Variants in RC3H1 observed in about 807,000 individuals in gnomAD.
RC3H1 encodes roquin-1.
RC3H1 carries 50 observed loss-of-function variants against 138.2 expected under a neutral mutation model. The ratio of observed to expected loss-of-function variants is 0.36; its 90% CI spans 0.29 to 0.46. The LOEUF is 0.46. Ranked by LOEUF, RC3H1 falls within the 20% of genes least tolerant of loss-of-function variation. The pLI is 1.00. For missense variants in RC3H1, 1,031 were observed against 1,388.1 expected, an observed-to-expected ratio of 0.74 and a Z score of 4.09; for synonymous variants, 462 against 489.1, an observed-to-expected ratio of 0.94 and a Z score of 0.73.
intron 1 of RC3H1, among the ~76,000 whole-genome samples, chr1:174,008,598 C>G (rs1266985969): frequency 2.0e-5 from 3 of 152,128 alleles, no homozygotes; most frequent in Non-Finnish European, 4.4e-5. Context: ...AACACAGAAT[C>G]CTATAGCCAC....
rs914389851 is a variant in RC3H1, at chr1:173,938,370, T to C, written c.*351A>G. ...AAGAAAACCTACTTCATTAAGATCA[T>C]ACAATTAATCAAACAGAGTGTATAT... On this transcript the variant is annotated 3_prime_UTR_variant, in exon 20 of 20. Transcript: ENST00000367696. The C allele has an allele frequency of 6.3e-6, 1 of 158,212 alleles. No homozygotes were observed. The highest frequency in any genetic ancestry group is 6.5e-5 in the Admixed American group (1 of 15,494). The allele number at this position is 158,212 out of a possible 1,614,324, so 9.8% of individuals were successfully genotyped here.
intron 18 of RC3H1, 29 bp downstream of exon 18, chr1:173,943,413 T>A (rs1321283858): frequency 6.3e-7 from 1 of 1,579,552 alleles, no homozygotes; most frequent in Non-Finnish European, 8.6e-7. Context: ...CATTTCACCT[T>A]CCCTCTCTTT....
intron 13 of RC3H1, among the ~76,000 whole-genome samples, chr1:173,959,181 T>C (rs1049364026): frequency 6.6e-6 from 1 of 152,104 alleles, no homozygotes; most frequent in Non-Finnish European, 1.5e-5. Flanking sequence ...TCAGAGGACA[T>C]AATTGTGTGC....
Position 173,962,069 on chromosome 1 carries a change from A to T in RC3H1, c.1858T>A (p.Cys620Ser), listed in dbSNP as rs774893964. Reference protein sequence around the residue: ...QGMYYTPPPQCVSRFVRPPPS... With the variant: ...QGMYYTPPPQSVSRFVRPPPS... Reference sequence around the variant, plus strand: ...GGAGGTCGGACAAAGCGGGACACACATTGTGGTGGTGGAGTATAATACATA... The same window carrying T: ...GGAGGTCGGACAAAGCGGGACACACTTTGTGGTGGTGGAGTATAATACATA... Residue 620 changes from cysteine to serine, a missense_variant, in exon 12 of 20, where the codon TGT becomes AGT. Physicochemically the swap from Cys to Ser is moderately radical, Grantham distance 112 (BLOSUM62 -1). This residue lies in a region of RC3H1 where 716 missense variants were observed against 837.9 expected (regional missense o/e 0.85). Coordinates refer to ENST00000367696, the MANE Select transcript of RC3H1 (RefSeq NM_172071.4). 1 of 1,613,602 alleles carries T rather than the reference A, an allele frequency of 6.2e-7. No homozygotes were observed. Among genetic ancestry groups the T allele is most frequent in the Non-Finnish European group, 8.5e-7 (1 of 1,179,768 alleles).
intron 19 of RC3H1, among the ~76,000 whole-genome samples, chr1:173,940,002 A>T (rs932074764): frequency 6.6e-6 from 1 of 152,202 alleles, no homozygotes; most frequent in African/African-American, 2.4e-5. Context: ...AGATATGCAA[A>T]CAAAGCATTA....
chr1:174,002,615 G>T (rs906573609), intron 1 of RC3H1, among the ~76,000 whole-genome samples: 1 of 152,186 alleles, frequency 6.6e-6, no homozygotes, highest in African/African-American at 2.4e-5. Flanking sequence ...CACCACTATT[G>T]TGGAATAATT....
At chr1:173,981,281 G>C (rs1487797798) in intron 5 of RC3H1, among the ~76,000 whole-genome samples, 1 of 152,052 alleles carries the variant, frequency 6.6e-6, no homozygotes, top group Non-Finnish European at 1.5e-5. Flanking sequence ...AAAATGCTTG[G>C]GCCAGAAGTG....
chr1:173,952,497 A>G (rs1331631662), intron 13 of RC3H1, among the ~76,000 whole-genome samples: 3 of 151,696 alleles, frequency 2.0e-5, no homozygotes, highest in Non-Finnish European at 4.4e-5. Flanking sequence ...TTAGATCAGT[A>G]AACATTTAAG....
At chr1:173,992,351 T>C (rs1661326279) in intron 2 of RC3H1, among the ~76,000 whole-genome samples, 1 of 152,084 alleles carries the variant, frequency 6.6e-6, no homozygotes, top group African/African-American at 2.4e-5. Context: ...TTCACCATGT[T>C]GGCCAGGCCG....
chr1:173,986,972 C>T (rs1021976678), intron 2 of RC3H1, among the ~76,000 whole-genome samples: 1 of 152,094 alleles, frequency 6.6e-6, no homozygotes, highest in Non-Finnish European at 1.5e-5. Context: ...TGTAGAATGC[C>T]CCTAAACTGG....
At chr1:173,983,215 TAAGAG>T (rs1168648504) in intron 4 of RC3H1, among the ~76,000 whole-genome samples, 198 bp downstream of exon 4, 1 of 152,030 alleles carries the variant, frequency 6.6e-6, no homozygotes, top group Non-Finnish European at 1.5e-5. Flanking sequence ...CTTTTGGCAT[TAAGAG>T]AAAAGTTTTA....
chr1:173,949,565 C>T (rs1259438188), intron 14 of RC3H1, among the ~76,000 whole-genome samples: 8 of 151,788 alleles, frequency 5.3e-5, no homozygotes, highest in African/African-American at 1.5e-4. Context: ...GATGAGGTTT[C>T]GCCATGTTGC....
intron 1 of RC3H1, among the ~76,000 whole-genome samples, chr1:174,011,891 TA>T (rs1661775855): frequency 6.6e-6 from 1 of 152,122 alleles, no homozygotes; most frequent in African/African-American, 2.4e-5. Flanking sequence ...CAATTCGTAT[TA>T]GCATTGAAAA....
chr1:174,020,967 C>T (rs888868952), intron 1 of RC3H1, among the ~76,000 whole-genome samples: 7 of 152,164 alleles, frequency 4.6e-5, no homozygotes, highest in Non-Finnish European at 8.8e-5. Flanking sequence ...CGAGATTGTG[C>T]CACTGCAATC....
At chr1:173,982,035 T>C (rs1319622491) in intron 5 of RC3H1, among the ~76,000 whole-genome samples, 1 of 152,130 alleles carries the variant, frequency 6.6e-6, no homozygotes, top group African/African-American at 2.4e-5. Flanking sequence ...AAATGGCAAA[T>C]GGAACTTCAT....
At chr1:173,950,400 T>C (rs1441754492) in intron 14 of RC3H1, among the ~76,000 whole-genome samples, 2 of 113,612 alleles carry the variant, frequency 1.8e-5, no homozygotes, top group Non-Finnish European at 3.3e-5. Flanking sequence ...CCAGGCAACA[T>C]AGCAAGACCT....
chr1:173,970,333 T>G (rs1308862579), intron 9 of RC3H1, among the ~76,000 whole-genome samples, 172 bp downstream of exon 9: 3 of 152,220 alleles, frequency 2.0e-5, no homozygotes, highest in African/African-American at 4.8e-5. Flanking sequence ...TTTCAAGCAT[T>G]TTTGGATTTT....
At chr1:174,005,369 T>C (rs1661634958) in intron 1 of RC3H1, among the ~76,000 whole-genome samples, 1 of 152,198 alleles carries the variant, frequency 6.6e-6, no homozygotes, top group Non-Finnish European at 1.5e-5. Context: ...AATAAAACGG[T>C]TGTTTTAAGC....
rs2102811074 is a variant in RC3H1, at chr1:173,932,981, G to T, written c.*5740C>A. ...TGCCAAAGACTTGTGAGCTCTGTCT[G>T]CTTAGAGTTAGAACAGAAACAAAAA... On this transcript the variant is annotated 3_prime_UTR_variant, in exon 20 of 20. Coordinates refer to ENST00000367696, the MANE Select transcript of RC3H1 (RefSeq NM_172071.4). 1 of 152,018 alleles carries T rather than the reference G, an allele frequency of 6.6e-6. No homozygotes were observed. The highest frequency in any genetic ancestry group is 2.4e-5 in the African/African-American group (1 of 41,480). The allele number at this position is 152,018 out of a possible 1,614,324, so 9.4% of individuals were successfully genotyped here.
Sources: gnomAD v4.1 joint callset for allele counts (sites outside exome capture counted in the v4.1 genomes callset) on GRCh38, gnomAD v4.1.1 for gene constraint, gnomAD v4.1.1 regional missense constraint, MANE v1.5 for transcripts, NCBI Gene and HGNC (gene_info 2026-07-23, HGNC 2026-07-21) for gene names.